SSH2: variants seen among roughly 807,000 people sequenced by gnomAD.
The protein encoded by SSH2 is slingshot protein phosphatase 2.
SSH2 carries 37 observed loss-of-function variants against 135.2 expected under a neutral mutation model. That is an observed-to-expected ratio of 0.27 (90% confidence interval 0.21 to 0.36). The LOEUF is 0.36. Ranked by LOEUF, SSH2 falls within the 10% of genes least tolerant of loss-of-function variation. The pLI is 1.00. For synonymous variants in SSH2, 628 were observed against 646.2 expected, an observed-to-expected ratio of 0.97 and a Z score of 0.43; for missense variants, 1,408 against 1,765.3, an observed-to-expected ratio of 0.80 and a Z score of 3.63.
At position 29,638,715 on chromosome 17, in the gene SSH2, A is replaced by AT. The variant is rs1190296626; in HGVS notation, c.1428-1914dup. Among the ~76,000 whole-genome samples, 3 of 151,734 alleles carry AT rather than the reference A, an allele frequency of 2.0e-5. No homozygotes were observed. In the East Asian group the frequency reaches 5.8e-4, roughly 29 times the overall value. ...AGGTGTTTGCCACCACGCCTGGCTGATTTTTTTATTTTTTATTTTTGTGGA... is the reference window on the plus strand; with the variant it reads ...AGGTGTTTGCCACCACGCCTGGCTGATTTTTTTTATTTTTTATTTTTGTGGA... On this transcript the variant is annotated intron_variant, in intron 14 of 15. Transcript: ENST00000540801.
intron 2 of SSH2, among the ~76,000 whole-genome samples, chr17:29,824,528 A>C (rs2042710395): frequency 6.6e-6 from 1 of 152,172 alleles, no homozygotes; most frequent in African/African-American, 2.4e-5. Flanking sequence ...CTCATGCCTA[A>C]GCCAACCTCT....
chr17:29,748,786 C>T (rs1567944379), intron 3 of SSH2, among the ~76,000 whole-genome samples: 1 of 152,112 alleles, frequency 6.6e-6, no homozygotes, highest in Non-Finnish European at 1.5e-5. Flanking sequence ...AGAGCTGTTT[C>T]AGAGCACAGA....
At chr17:29,723,001 G>T (rs2039873273) in intron 3 of SSH2, among the ~76,000 whole-genome samples, 1 of 152,166 alleles carries the variant, frequency 6.6e-6, no homozygotes, top group Non-Finnish European at 1.5e-5. Flanking sequence ...AAAATGCTTT[G>T]CCATCGGCAA....
At chr17:29,730,357 ATAATT>A (rs910843680) in intron 3 of SSH2, among the ~76,000 whole-genome samples, 6 of 148,302 alleles carry the variant, frequency 4.0e-5, no homozygotes, top group Non-Finnish European at 5.9e-5. Flanking sequence ...ATATATATAT[ATAATT>A]TGTTTGTAAC....
intron 4 of SSH2, among the ~76,000 whole-genome samples, chr17:29,697,917 T>C (rs924567168): frequency 6.6e-6 from 1 of 152,122 alleles, no homozygotes; most frequent in African/African-American, 2.4e-5. Context: ...TTATTCATAA[T>C]AGCAAAAAAG....
At chr17:29,659,122 A>G (rs1244068338) in intron 11 of SSH2, among the ~76,000 whole-genome samples, 1 of 152,206 alleles carries the variant, frequency 6.6e-6, no homozygotes, top group Admixed American at 6.5e-5. Flanking sequence ...TAAATGTAAC[A>G]GTTCATAGAG....
chr17:29,632,948 G>C lies in SSH2; in HGVS notation c.2263-17C>G, dbSNP rs1000154784. 1.9e-6 allele frequency: 3 copies of C among 1,575,940 alleles called. No individual in the cohort carries two copies. Among genetic ancestry groups the C allele is most frequent in the Admixed American group, 1.8e-5 (1 of 54,244 alleles). On this transcript the variant is annotated splice_polypyrimidine_tract_variant and intron_variant, in intron 15 of 15. Coordinates refer to ENST00000540801, the MANE Select transcript of SSH2 (RefSeq NM_001282129.2). The stretch of plus-strand genomic sequence containing the variant: ...TGAAATTGCCTAAGAAGAGAAAGTA[G>C]TGAGAAGATTATGGCAAACTGTAGT...
intron 1 of SSH2, among the ~76,000 whole-genome samples, chr17:29,861,800 G>A (rs138801456): frequency 4.3e-4 from 66 of 152,184 alleles, no homozygotes; most frequent in Middle Eastern, 3.4e-3. Flanking sequence ...CTCATGATCC[G>A]CCCACCTGGG....
intron 11 of SSH2, among the ~76,000 whole-genome samples, chr17:29,660,888 C>A (rs1413734981): frequency 2.0e-5 from 3 of 151,706 alleles, no homozygotes; most frequent in Non-Finnish European, 4.4e-5. Flanking sequence ...GAAACTCCAA[C>A]TTTACTAAAA....
chr17:29,650,026 T>C (rs2036528911), intron 13 of SSH2, among the ~76,000 whole-genome samples: 1 of 152,224 alleles, frequency 6.6e-6, no homozygotes. Flanking sequence ...AACAAGCTCG[T>C]TTATGGTTCT....
At chr17:29,908,893 ACGGTGAAACC>A (rs1420221084) in intron 1 of SSH2, among the ~76,000 whole-genome samples, 1 of 151,604 alleles carries the variant, frequency 6.6e-6, no homozygotes, top group Non-Finnish European at 1.5e-5. Context: ...CCTGGCTAAC[ACGGTGAAACC>A]CCATCTCTAC....
chr17:29,903,499 G>T (rs1599169105), intron 1 of SSH2, among the ~76,000 whole-genome samples: 1 of 150,256 alleles, frequency 6.7e-6, no homozygotes, highest in Admixed American at 6.7e-5. Flanking sequence ...TTATAGACAA[G>T]CCTATTTTTA....
chr17:29,699,438 G>A (rs2038892101), intron 4 of SSH2, among the ~76,000 whole-genome samples: 1 of 152,204 alleles, frequency 6.6e-6, no homozygotes, highest in African/African-American at 2.4e-5. Flanking sequence ...TTCAGTTTAT[G>A]TGACAGCCTG....
intron 11 of SSH2, among the ~76,000 whole-genome samples, chr17:29,656,066 G>T (rs1296837870): frequency 6.6e-6 from 1 of 152,180 alleles, no homozygotes; most frequent in African/African-American, 2.4e-5. Context: ...GGAAACCCAC[G>T]CACCTTGCAC....
intron 3 of SSH2, among the ~76,000 whole-genome samples, chr17:29,741,941 T>C (rs368405492): frequency 1.3e-4 from 19 of 144,688 alleles, no homozygotes; most frequent in African/African-American, 2.3e-4. Context: ...TTTCTTTTTT[T>C]TTTTTTTTTT....
At chr17:29,848,254 A>G (rs565581125) in intron 2 of SSH2, among the ~76,000 whole-genome samples, 1 of 152,374 alleles carries the variant, frequency 6.6e-6, no homozygotes, top group South Asian at 2.1e-4. Context: ...CTCTAACTTC[A>G]GCCTGACTCT....
chr17:29,929,780 A>T (rs867530617), intron 1 of SSH2, 158 bp downstream of exon 1: 1 of 634,286 alleles, frequency 1.6e-6, no homozygotes, highest in Admixed American at 2.7e-5. Flanking sequence ...TCCTGCTGCT[A>T]GTCTTTAACA....
At chr17:29,677,291 C>T (rs1414080655) in intron 7 of SSH2, among the ~76,000 whole-genome samples, 1 of 151,850 alleles carries the variant, frequency 6.6e-6, no homozygotes, top group Non-Finnish European at 1.5e-5. Flanking sequence ...GGTGGGGTCA[C>T]TGGAAGGAAC....
At chr17:29,736,838 G>C (rs1461889610) in intron 3 of SSH2, among the ~76,000 whole-genome samples, 3 of 124,060 alleles carry the variant, frequency 2.4e-5, no homozygotes, top group African/African-American at 6.3e-5. Context: ...GGTGGCTCAC[G>C]CCTGTAATCT....
Sources: allele counts gnomAD v4.1 joint callset (sites outside exome capture counted in the v4.1 genomes callset), GRCh38; gene constraint gnomAD v4.1.1; transcripts MANE v1.5; gene names NCBI Gene and HGNC (gene_info 2026-07-23, HGNC 2026-07-21).